The following FBLN5 variants were observed in gnomAD, a reference collection of about 807,000 sequenced individuals.
FBLN5 encodes fibulin-5.
Under a neutral mutation model 61.6 loss-of-function variants are expected in FBLN5, and 24 were observed. The ratio of observed to expected loss-of-function variants is 0.39; its 90% CI spans 0.28 to 0.55. FBLN5 has a LOEUF of 0.55. Ranked by LOEUF, FBLN5 falls within the 20% of genes least tolerant of loss-of-function variation. FBLN5 has a pLI of 0.65. For synonymous variants in FBLN5, 213 were observed against 219.8 expected (o/e 0.97, Z 0.27); for missense variants, 470 against 594.1 (o/e 0.79, Z 2.17).
At chr14:91,891,469 A>G in intron 5 of FBLN5, 132 bp from the exon 6 acceptor site, 2 of 747,516 alleles carry the variant, frequency 2.7e-6, no homozygotes, top group East Asian at 5.0e-5. Context: ...GAGCCAAGAC[A>G]GTGCCTACTG....
At chr14:91,880,545 GTGT>G (rs1161966756) in intron 9 of FBLN5, among the ~76,000 whole-genome samples, 1 of 151,778 alleles carries the variant, frequency 6.6e-6, no homozygotes, top group Non-Finnish European at 1.5e-5. Flanking sequence ...GTGTGTGTGT[GTGT>G]GTGTGTGTGT....
intron 4 of FBLN5, among the ~76,000 whole-genome samples, chr14:91,928,704 T>C (rs1056267643): frequency 6.9e-6 from 1 of 143,952 alleles, no homozygotes; most frequent in African/African-American, 2.6e-5. Context: ...CCTGGGAGGT[T>C]GAGGATGCAG....
At chr14:91,911,518 G>C (rs1352209175) in intron 4 of FBLN5, among the ~76,000 whole-genome samples, 1 of 152,186 alleles carries the variant, frequency 6.6e-6, no homozygotes, top group Non-Finnish European at 1.5e-5. Context: ...GAAGAGAAGG[G>C]AGTGTGAGGG....
intron 4 of FBLN5, among the ~76,000 whole-genome samples, chr14:91,931,367 C>A (rs1327665138): frequency 6.6e-6 from 1 of 152,184 alleles, no homozygotes; most frequent in African/African-American, 2.4e-5. Flanking sequence ...CCCCTCGGTG[C>A]CTAGGCCAGA....
chr14:91,909,212 C>T (rs897037337), intron 4 of FBLN5, among the ~76,000 whole-genome samples: 14 of 152,152 alleles, frequency 9.2e-5, no homozygotes, highest in Non-Finnish European at 1.8e-4. Flanking sequence ...CCACCGCGCC[C>T]GGCCAGGAAT....
chr14:91,919,390 AAAGGAAGGAAGGAAGG>A (rs3031540), intron 4 of FBLN5, among the ~76,000 whole-genome samples: 6 of 99,584 alleles, frequency 6.0e-5, no homozygotes, highest in Admixed American at 1.1e-4. Context: ...AGAAAGAAAG[AAAGGAAGGAAGGAAGG>A]AAGGAAGGAA....
chr14:91,880,651 G>A (rs2267993), intron 9 of FBLN5, among the ~76,000 whole-genome samples: 43,661 of 151,806 alleles, frequency 0.29, 7,335 homozygotes, highest in East Asian at 0.44. Flanking sequence ...AGGTTCAAGC[G>A]ATTCTCATGC....
intron 4 of FBLN5, among the ~76,000 whole-genome samples, chr14:91,910,727 C>T (rs1595325059): frequency 6.6e-6 from 1 of 152,140 alleles, no homozygotes; most frequent in African/African-American, 2.4e-5. Flanking sequence ...TCTGTAACCC[C>T]ATCTCCACAG....
intron 10 of FBLN5, among the ~76,000 whole-genome samples, chr14:91,870,969 A>G (rs1307694720): frequency 6.6e-6 from 1 of 152,174 alleles, no homozygotes; most frequent in South Asian, 2.1e-4. Context: ...ACACATGGAC[A>G]CAAAGAAGGG....
chr14:91,904,525 G>A (rs761258198), intron 4 of FBLN5, among the ~76,000 whole-genome samples: 1 of 152,260 alleles, frequency 6.6e-6, no homozygotes, highest in Non-Finnish European at 1.5e-5. Flanking sequence ...TCTTAGTCCT[G>A]TGGGGCTGCT....
chr14:91,883,397 G>A (rs1257148796), intron 7 of FBLN5, among the ~76,000 whole-genome samples: 2 of 152,014 alleles, frequency 1.3e-5, no homozygotes, highest in Admixed American at 6.6e-5. Flanking sequence ...CACCATGTAG[G>A]GGAATCCACC....
intron 3 of FBLN5, chr14:91,938,257 G>C (rs2056051995): frequency 6.4e-6 from 1 of 156,128 alleles, no homozygotes; most frequent in African/African-American, 2.4e-5. Flanking sequence ...AGGAGTTCAA[G>C]ACCAGCCTCC....
At chr14:91,878,727 T>C (rs977208484) in intron 9 of FBLN5, among the ~76,000 whole-genome samples, 1 of 152,214 alleles carries the variant, frequency 6.6e-6, no homozygotes, top group Non-Finnish European at 1.5e-5. Context: ...ATTTTCCCAT[T>C]CCAGCCCAAG....
rs368718053 is a variant in FBLN5, at chr14:91,882,015, G to A, written c.863-597C>T. 1.3e-5 allele frequency among the ~76,000 whole-genome samples: 2 copies of A among 151,830 alleles called. No individual in the cohort carries two copies. The highest frequency in any genetic ancestry group is 6.6e-5 in the Admixed American group (1 of 15,248). On this transcript the variant is annotated intron_variant, in intron 8 of 10. Transcript: ENST00000342058. The surrounding 1 kb of genome is among the most constrained non-coding windows in gnomAD (Gnocchi z 4.9). ...AAATACAAAATACAAAAATTAGCCC[G>A]GCATGGTGGCATGTGCCTGTAGTCC...
chr14:91,875,815 G>C (rs1889137181), intron 10 of FBLN5, among the ~76,000 whole-genome samples: 1 of 152,244 alleles, frequency 6.6e-6, no homozygotes, highest in Admixed American at 6.5e-5. Flanking sequence ...GTAAGAGACA[G>C]AGAGGTTGAA....
At chr14:91,890,254 T>G (rs1316035522) in intron 6 of FBLN5, among the ~76,000 whole-genome samples, 2 of 152,194 alleles carry the variant, frequency 1.3e-5, no homozygotes, top group Non-Finnish European at 2.9e-5. Flanking sequence ...TTACCGATGA[T>G]TTAGATACAA....
chr14:91,921,785 A>G (rs1382410410), intron 4 of FBLN5, among the ~76,000 whole-genome samples: 1 of 152,176 alleles, frequency 6.6e-6, no homozygotes, highest in Non-Finnish European at 1.5e-5. Context: ...GCCAGGAGAG[A>G]GTTCCAAATA....
chr14:91,900,977 T>C (rs1362714701), intron 4 of FBLN5, among the ~76,000 whole-genome samples: 1 of 152,182 alleles, frequency 6.6e-6, no homozygotes, highest in Non-Finnish European at 1.5e-5. Context: ...AGCCAGGGAC[T>C]TCTCCCCCTT....
At chr14:91,908,597 A>G (rs762976689) in intron 4 of FBLN5, among the ~76,000 whole-genome samples, 3 of 152,174 alleles carry the variant, frequency 2.0e-5, no homozygotes, top group Non-Finnish European at 4.4e-5. Flanking sequence ...TTGCTGAACT[A>G]AAAAAATGCT....
Sources: gnomAD v4.1 joint callset for allele counts (sites outside exome capture counted in the v4.1 genomes callset) on GRCh38, gnomAD v4.1.1 for gene constraint, Gnocchi (gnomAD v3.1) non-coding constraint, MANE v1.5 for transcripts, NCBI Gene and HGNC (gene_info 2026-07-23, HGNC 2026-07-21) for gene names.